Variants in PSPH observed in about 807,000 individuals in gnomAD.
PSPH encodes the protein L-3-phosphoserine phosphatase.
A neutral mutation model predicts 23.4 loss-of-function variants in PSPH; 16 were observed. That is an observed-to-expected ratio of 0.68 (90% CI 0.46 to 1.04). The LOEUF (loss-of-function observed/expected upper bound fraction) is 1.04, where lower values mean the gene tolerates loss of function less well. PSPH is among the 50% of genes least tolerant of loss of function. The pLI is 0.00. For missense variants in PSPH, 223 were observed against 273.7 expected, an observed-to-expected ratio of 0.81 and a Z score of 1.31; for synonymous variants, 68 against 99.7, an observed-to-expected ratio of 0.68 and a Z score of 1.89.
At chr7:56,045,908 A>T in intron 1 of PSPH, among the ~76,000 whole-genome samples, 1 of 151,442 alleles carries the variant, frequency 6.6e-6, no homozygotes, top group Admixed American at 6.6e-5. Flanking sequence ...AAAAAAAGAA[A>T]GAAACAAGTC....
chr7:56,021,446 T>G (rs1789430336), intron 3 of PSPH, among the ~76,000 whole-genome samples: 1 of 141,626 alleles, frequency 7.1e-6, no homozygotes, highest in East Asian at 2.1e-4. Flanking sequence ...TTAGGTGGAG[T>G]CTTACTCTGT....
At chr7:56,047,297 T>C (rs1293884968) in intron 1 of PSPH, among the ~76,000 whole-genome samples, 3 of 150,724 alleles carry the variant, frequency 2.0e-5, no homozygotes, top group African/African-American at 7.3e-5. Context: ...GAGGCTGAGA[T>C]AGGAAGCTGA....
chr7:56,024,331 C>T (rs1409468354), intron 3 of PSPH, among the ~76,000 whole-genome samples: 1 of 151,698 alleles, frequency 6.6e-6, no homozygotes, highest in Non-Finnish European at 1.5e-5. Context: ...TCCATCATGG[C>T]CTCTTGAGTA....
At chr7:56,048,619 TCTTA>T (rs1398774684) in intron 1 of PSPH, among the ~76,000 whole-genome samples, 1 of 152,058 alleles carries the variant, frequency 6.6e-6, no homozygotes, top group Admixed American at 6.6e-5. Flanking sequence ...TGGGAATTCT[TCTTA>T]CTGTTTTTTA....
At chr7:56,019,453 T>TA in intron 5 of PSPH, 147 bp downstream of exon 5, 1 of 1,124,282 alleles carries the variant, frequency 8.9e-7, no homozygotes, top group Non-Finnish European at 1.2e-6. Context: ...AAATACAATT[T>TA]AAAAAAATAA....
chr7:56,043,147 C>T, intron 1 of PSPH: 1 of 151,884 alleles, frequency 6.6e-6, no homozygotes, highest in East Asian at 1.9e-4. Flanking sequence ...GTGGTGCATA[C>T]CTGTAATCCC....
At chr7:56,038,067 T>C (rs1791967221) in intron 1 of PSPH, among the ~76,000 whole-genome samples, 2 of 151,858 alleles carry the variant, frequency 1.3e-5, no homozygotes, top group Non-Finnish European at 2.9e-5. Context: ...TTATAAGTCA[T>C]TCAGTGCTAA....
chr7:56,013,752 TAAATAA>T (rs1788243451), intron 7 of PSPH, among the ~76,000 whole-genome samples: 2 of 149,586 alleles, frequency 1.3e-5, no homozygotes, highest in Non-Finnish European at 3.0e-5. Flanking sequence ...AATAAATAAA[TAAATAA>T]AAACAAAATG....
At chr7:56,032,768 T>C (rs1012862483) in intron 2 of PSPH, among the ~76,000 whole-genome samples, 4 of 151,036 alleles carry the variant, frequency 2.6e-5, no homozygotes, top group Admixed American at 6.6e-5. Context: ...CTGGGCAACA[T>C]AGTGAAATGC....
chr7:56,018,579 G>T (rs1014191158), intron 5 of PSPH, among the ~76,000 whole-genome samples: 3 of 152,122 alleles, frequency 2.0e-5, no homozygotes, highest in African/African-American at 7.2e-5. Context: ...TTTAAATCCA[G>T]CAGTTTGGGA....
intron 3 of PSPH, among the ~76,000 whole-genome samples, chr7:56,024,790 G>A (rs1789956563): frequency 1.4e-5 from 2 of 143,898 alleles, no homozygotes; most frequent in South Asian, 2.3e-4. Flanking sequence ...AAATTTCAGT[G>A]TCTATTAATA....
At chr7:56,036,546 T>G (rs1284372771) in intron 1 of PSPH, among the ~76,000 whole-genome samples, 1 of 144,694 alleles carries the variant, frequency 6.9e-6, no homozygotes, top group African/African-American at 2.6e-5. Context: ...GGAGGATCAT[T>G]TGAGCCCAGG....
At chr7:56,021,425 CTT>C (rs60876463) in intron 3 of PSPH, among the ~76,000 whole-genome samples, 194 bp from the exon 4 acceptor site, 3 of 130,752 alleles carry the variant, frequency 2.3e-5, no homozygotes, top group Admixed American at 1.6e-4. Flanking sequence ...TTCTTTCTTT[CTT>C]TTTTTTTTTT....
At chr7:56,034,919 A>AT (rs1232635548) in intron 1 of PSPH, among the ~76,000 whole-genome samples, 5 of 138,514 alleles carry the variant, frequency 3.6e-5, no homozygotes, top group Non-Finnish European at 7.8e-5. Context: ...TTAAATAGAG[A>AT]TGGGGGGGGG....
chr7:56,028,855 G>T (rs552352611), intron 3 of PSPH, among the ~76,000 whole-genome samples: 1 of 152,138 alleles, frequency 6.6e-6, no homozygotes, highest in South Asian at 2.1e-4. Context: ...GTCTCACTCT[G>T]TTGCCCAGGA....
At chr7:56,014,718 C>T (rs1019759059) in intron 7 of PSPH, among the ~76,000 whole-genome samples, 2 of 152,046 alleles carry the variant, frequency 1.3e-5, no homozygotes, top group Admixed American at 1.3e-4. Flanking sequence ...CTGAAGCAGG[C>T]AGATCACCTG....
rs1214774319 is a variant in PSPH, at chr7:56,051,413, A to G, written c.-567T>C. The G allele has an allele frequency of 1.5e-5, 3 of 203,668 alleles. No homozygotes were observed. The highest frequency in any genetic ancestry group is 2.0e-5 in the Non-Finnish European group (2 of 98,896). 12.6% of individuals were successfully genotyped at this position (203,668 alleles called of 1,614,324 possible). A position where few individuals can be genotyped will look rare whatever the true frequency, so the allele number is the denominator to read the frequency against. On this transcript the variant is annotated 5_prime_UTR_variant, in exon 1 of 8. Transcript: ENST00000275605. ...CGTGTGGCCCCACGGCACCTAGGGC[A>G]CCGTCGAGCACACGGTCCGGGAAGC...
intron 3 of PSPH, among the ~76,000 whole-genome samples, chr7:56,029,349 C>T (rs986384762): frequency 2.2e-4 from 33 of 151,922 alleles, no homozygotes; most frequent in East Asian, 1.2e-3. Context: ...GAAGACATGC[C>T]GGTGGGAAGG....
At chr7:56,012,778 A>G (rs1236804133) in intron 7 of PSPH, among the ~76,000 whole-genome samples, 1 of 145,462 alleles carries the variant, frequency 6.9e-6, no homozygotes, top group Non-Finnish European at 1.5e-5. Context: ...GTATTTTTGT[A>G]GAGACGGGGT....
Sources: gnomAD v4.1 joint callset for allele counts (sites outside exome capture counted in the v4.1 genomes callset) on GRCh38, gnomAD v4.1.1 for gene constraint, MANE v1.5 for transcripts, NCBI Gene and HGNC (gene_info 2026-07-23, HGNC 2026-07-21) for gene names.